The following SLC2A13 variants were observed in gnomAD, a reference collection of about 807,000 sequenced individuals.
The protein encoded by SLC2A13 is solute carrier family 2 member 13.
In SLC2A13, 32 loss-of-function variants were observed where a neutral mutation model predicts 64.4. The ratio of observed to expected loss-of-function variants is 0.50; its 90% CI spans 0.37 to 0.67. SLC2A13 has a LOEUF of 0.67. Among genes scored for constraint, SLC2A13 ranks in the 30% least tolerant of loss-of-function variants. SLC2A13 has a pLI of 0.00. For synonymous variants in SLC2A13, 338 were observed against 327.1 expected (o/e 1.03, Z -0.36); for missense variants, 743 against 829.2 (o/e 0.90, Z 1.28).
intron 2 of SLC2A13, among the ~76,000 whole-genome samples, chr12:40,045,788 A>G (rs1453369284): frequency 1.3e-5 from 2 of 152,114 alleles, no homozygotes; most frequent in Non-Finnish European, 2.9e-5. Flanking sequence ...TTTACTGCAA[A>G]TATATGTCTC....
intron 6 of SLC2A13, among the ~76,000 whole-genome samples, chr12:39,852,779 AACCAATCAGATTGGTTGTG>A (rs1358352567): frequency 6.6e-6 from 1 of 152,152 alleles, no homozygotes; most frequent in African/African-American, 2.4e-5. Flanking sequence ...CCTCTCCTGA[AACCAATCAGATTGGTTGTG>A]ACCTCGTCTT....
At chr12:39,800,021 A>G (rs1196034446) in intron 7 of SLC2A13, among the ~76,000 whole-genome samples, 1 of 152,192 alleles carries the variant, frequency 6.6e-6, no homozygotes, top group Non-Finnish European at 1.5e-5. Flanking sequence ...TTGCAGTTCA[A>G]TGAAAAGCAG....
At chr12:39,844,208 C>G (rs1943249266) in intron 6 of SLC2A13, among the ~76,000 whole-genome samples, 1 of 152,000 alleles carries the variant, frequency 6.6e-6, no homozygotes, top group African/African-American at 2.4e-5. Flanking sequence ...GTGCTGATTT[C>G]TAAATAGTAC....
At chr12:39,894,306 G>T (rs997132296) in intron 4 of SLC2A13, among the ~76,000 whole-genome samples, 5 of 152,140 alleles carry the variant, frequency 3.3e-5, no homozygotes, top group Admixed American at 2.0e-4. Context: ...CTGAGCACTG[G>T]TTATCCACAT....
intron 3 of SLC2A13, among the ~76,000 whole-genome samples, chr12:39,998,795 A>AT (rs769692703): frequency 5.3e-5 from 8 of 152,278 alleles, no homozygotes; most frequent in African/African-American, 1.4e-4. Context: ...TGGTTGTGAA[A>AT]TGTGAGGATA....
At chr12:39,971,997 A>AAATATATATATAT (rs1375405006) in intron 3 of SLC2A13, among the ~76,000 whole-genome samples, 8 of 77,346 alleles carry the variant, frequency 1.0e-4, no homozygotes, top group Non-Finnish European at 1.7e-4. Context: ...AAAAAAAAAA[A>AAATATATATATAT]ATATATATAT....
Position 40,105,628 on chromosome 12 carries a change from C to A in SLC2A13, c.181G>T (p.Val61Phe). ...CGCGCCGCGCGCTCCAGGTCCCCGA[C>A]GCCGCCGCCGCCCGCGCCCGCGCTC... ...LQSAGAGGGG[V>F]GDLERAARRQ... The change falls in exon 1 of 10, where the codon GTC (valine) becomes TTC (phenylalanine). Residue 61 changes from valine (V) to phenylalanine (F), a missense_variant. Val to Phe is a conservative substitution (Grantham distance 50). This residue lies in a region of SLC2A13 where 448 missense variants were observed against 447.4 expected (regional missense o/e 1.00). Coordinates refer to ENST00000280871, the MANE Select transcript of SLC2A13 (RefSeq NM_052885.4). This position sits in a 1 kb window ranked among gnomAD's most constrained non-coding sequence, Gnocchi z 4.2. The A allele has an allele frequency of 1.3e-6, 2 of 1,484,396 alleles. No homozygotes were observed. Among genetic ancestry groups the A allele is most frequent in the Non-Finnish European group, 1.8e-6 (2 of 1,121,286 alleles). 92.0% of individuals were successfully genotyped at this position (1,484,396 alleles called of 1,614,324 possible).
chr12:39,873,887 C>T (rs1019480075), intron 4 of SLC2A13, among the ~76,000 whole-genome samples: 4 of 152,092 alleles, frequency 2.6e-5, no homozygotes, highest in Non-Finnish European at 4.4e-5. Flanking sequence ...ATAGCACCTC[C>T]GTGTCTTCTG....
Position 39,923,414 on chromosome 12 carries a change from T to C in SLC2A13, c.1034+27843A>G, listed in dbSNP as rs576379056. Among the ~76,000 whole-genome samples, 77 of 152,186 alleles carry C rather than the reference T, an allele frequency of 5.1e-4. 1 individual carries two copies. The South Asian group carries it at 0.015, about 29-fold the overall frequency. On this transcript the variant is annotated intron_variant, in intron 4 of 9. Transcript: ENST00000280871. ...ATAAACCAGACAAAAAGGACAAATATTGTATGATTCCACTTACATAAAGTA... is the reference window on the plus strand; with the variant it reads ...ATAAACCAGACAAAAAGGACAAATACTGTATGATTCCACTTACATAAAGTA...
intron 3 of SLC2A13, among the ~76,000 whole-genome samples, chr12:39,954,213 AG>A (rs942804072): frequency 2.8e-4 from 43 of 152,310 alleles, no homozygotes; most frequent in African/African-American, 1.0e-3. Context: ...ATCTCAAAAA[AG>A]TTTCCAGGCT....
rs530008947 is a variant in SLC2A13, at chr12:39,914,236, C to T, written c.1034+37021G>A. 6.5e-4 allele frequency among the ~76,000 whole-genome samples: 99 copies of T among 151,748 alleles called. 2 individuals carry two copies. The Middle Eastern group carries it at 0.01, about 16-fold the overall frequency. ...ATAGAGATTTAAATAGATTTTTTCA[C>T]GTCTAATGAAAGAATGAAAATAAGC... On this transcript the variant is annotated intron_variant, in intron 4 of 9. Transcript: ENST00000280871.
At chr12:39,927,325 G>C (rs2136066239) in intron 4 of SLC2A13, among the ~76,000 whole-genome samples, 1 of 152,142 alleles carries the variant, frequency 6.6e-6, no homozygotes, top group East Asian at 1.9e-4. Context: ...AAATTTTCTA[G>C]GTATAGAATA....
Position 39,959,298 on chromosome 12 carries a change from T to C in SLC2A13, c.926-7933A>G, listed in dbSNP as rs533686657. Among the ~76,000 whole-genome samples the C allele has an allele frequency of 2.0e-5, 3 of 152,354 alleles. No individual in the cohort carries two copies. In the East Asian group the frequency reaches 5.8e-4, roughly 29 times the overall value. ...GCTGCTATTGATGAATTCAACCCCA[T>C]GTGGTTCAATCATTCTTTCACAGTC... On this transcript the variant is annotated intron_variant, in intron 3 of 9. Transcript: ENST00000280871.
chr12:39,939,640 T>A (rs985815644), intron 4 of SLC2A13, among the ~76,000 whole-genome samples: 6 of 152,186 alleles, frequency 3.9e-5, no homozygotes, highest in African/African-American at 1.4e-4. Context: ...AAAGACATGA[T>A]TGGGAAATAA....
At chr12:39,896,995 G>A (rs1944939539) in intron 4 of SLC2A13, among the ~76,000 whole-genome samples, 1 of 152,056 alleles carries the variant, frequency 6.6e-6, no homozygotes, top group Non-Finnish European at 1.5e-5. Context: ...GAGGGGTTTA[G>A]TAAAAGAAAA....
At chr12:39,914,039 G>A (rs1198363996) in intron 4 of SLC2A13, among the ~76,000 whole-genome samples, 2 of 151,838 alleles carry the variant, frequency 1.3e-5, no homozygotes, top group African/African-American at 4.8e-5. Context: ...GTAATAAAAA[G>A]GAATCTAAAA....
intron 1 of SLC2A13, among the ~76,000 whole-genome samples, chr12:40,055,319 A>T (rs1948317826): frequency 6.6e-6 from 1 of 152,250 alleles, no homozygotes; most frequent in African/African-American, 2.4e-5. Context: ...AGAGCTCTTA[A>T]CATAGTATCA....
intron 4 of SLC2A13, among the ~76,000 whole-genome samples, chr12:39,902,270 G>A (rs1434511099): frequency 6.6e-6 from 1 of 151,504 alleles, no homozygotes; most frequent in Non-Finnish European, 1.5e-5. Context: ...CAGCACACCA[G>A]CATGGCACAT....
Position 40,090,124 on chromosome 12 carries a change from C to A in SLC2A13, c.556+15129G>T, listed in dbSNP as rs573370111. Reference sequence around the variant, plus strand: ...AGGAGTATGCCAAATGCTTTATATGCAGAATTTTCCTAATCTACTCACCAA... The same window carrying A: ...AGGAGTATGCCAAATGCTTTATATGAAGAATTTTCCTAATCTACTCACCAA... On this transcript the variant is annotated intron_variant, in intron 1 of 9. Coordinates refer to ENST00000280871, the MANE Select transcript of SLC2A13 (RefSeq NM_052885.4). 2.6e-5 allele frequency among the ~76,000 whole-genome samples: 4 copies of A among 152,170 alleles called. No individual in the cohort carries two copies. The South Asian group carries it at 6.2e-4, about 24-fold the overall frequency.
Sources: allele counts gnomAD v4.1 joint callset (sites outside exome capture counted in the v4.1 genomes callset), GRCh38; gene constraint gnomAD v4.1.1; regional missense constraint gnomAD v4.1.1; non-coding constraint Gnocchi (gnomAD v3.1); transcripts MANE v1.5; gene names NCBI Gene and HGNC (gene_info 2026-07-23, HGNC 2026-07-21).